FANCC: variants seen among roughly 807,000 people sequenced by gnomAD.
The protein encoded by FANCC is FA complementation group C.
FANCC carries 55 observed loss-of-function variants against 71.3 expected under a neutral mutation model. That is an observed-to-expected ratio of 0.77 (90% CI 0.62 to 0.97). The LOEUF is 0.97. Ranked by LOEUF, FANCC falls within the 50% of genes least tolerant of loss-of-function variation. The pLI, the probability that FANCC is intolerant of heterozygous loss-of-function variation, is 0.00. For synonymous variants in FANCC, 275 were observed against 244.9 expected, an observed-to-expected ratio of 1.12 and a Z score of -1.15; for missense variants, 678 against 670.9, an observed-to-expected ratio of 1.01 and a Z score of -0.12.
chr9:95,241,935 C>T (rs1830658162), intron 3 of FANCC, among the ~76,000 whole-genome samples: 1 of 152,210 alleles, frequency 6.6e-6, no homozygotes, highest in Non-Finnish European at 1.5e-5. Context: ...GCTGGGATCA[C>T]AGGCATGAGC....
At chr9:95,147,793 G>A (rs571179838) in intron 7 of FANCC, among the ~76,000 whole-genome samples, 2 of 152,292 alleles carry the variant, frequency 1.3e-5, no homozygotes, top group African/African-American at 4.8e-5. Context: ...AAATGCAGAT[G>A]TGATAAATTA....
rs1394344105 is a variant in FANCC at position 95,114,593 on chromosome 9, G to T, written c.1154+36C>A. On this transcript the variant is annotated intron_variant, in intron 12 of 14. Coordinates refer to ENST00000289081, the MANE Select transcript of FANCC (RefSeq NM_000136.3). ...AGATGAGGATCTAGGGAAACCATGT[G>T]TGAAGTAGATTTGGGAGTGGTCAGT... The T allele has an allele frequency of 3.8e-6, 6 of 1,566,690 alleles. No homozygotes were observed. In the East Asian group the frequency reaches 1.1e-4, roughly 29 times the overall value.
At chr9:95,207,864 G>C (rs1030682724) in intron 4 of FANCC, among the ~76,000 whole-genome samples, 65 of 152,118 alleles carry the variant, frequency 4.3e-4, no homozygotes, top group African/African-American at 1.5e-3. Flanking sequence ...TGAAGGGTGA[G>C]TGTGTGTGTA....
At chr9:95,292,569 A>G (rs1834106461) in intron 1 of FANCC, 1 of 1,478,322 alleles carries the variant, frequency 6.8e-7, no homozygotes, top group Non-Finnish European at 9.3e-7. Context: ...GCTGTCCCAG[A>G]CCACATGGCC....
intron 8 of FANCC, 135 bp from the exon 9 acceptor site, chr9:95,126,716 G>A (rs888918029): frequency 7.0e-6 from 6 of 853,472 alleles, no homozygotes; most frequent in African/African-American, 1.7e-5. Context: ...TTAGAAGAAC[G>A]AACCACTGCT....
Position 95,269,313 on chromosome 9 carries a change from G to A in FANCC, c.-78-19944C>T, listed in dbSNP as rs547699574. Among the ~76,000 whole-genome samples the A allele has an allele frequency of 1.3e-5, 2 of 152,266 alleles. 1 individual carries two copies. The highest frequency in any genetic ancestry group is 3.9e-4 in the East Asian group (2 of 5,182). On this transcript the variant is annotated intron_variant, in intron 1 of 14. Coordinates refer to ENST00000289081, the MANE Select transcript of FANCC (RefSeq NM_000136.3). ...AGGATGTATGTAAAGTCAGTCATTC[G>A]GTCAAATTTTAAACCCTATGAGGCA...
intron 8 of FANCC, among the ~76,000 whole-genome samples, chr9:95,135,032 C>T (rs1047410358): frequency 1.3e-5 from 2 of 152,138 alleles, no homozygotes; most frequent in Non-Finnish European, 2.9e-5. Flanking sequence ...ATGTTCATTT[C>T]CAAAAACTTA....
Position 95,207,591 on chromosome 9 carries a change from C to G in FANCC, c.345+33058G>C, listed in dbSNP as rs77605082. ...CCAGGAGATGCAACATTGCCCATCT[C>G]CCTCCTAGACTGATGCTCCCTAGAA... On this transcript the variant is annotated intron_variant, in intron 4 of 14. Coordinates refer to ENST00000289081, the MANE Select transcript of FANCC (RefSeq NM_000136.3). Among the ~76,000 whole-genome samples, 436 of 152,234 alleles carry G rather than the reference C, an allele frequency of 2.9e-3. 9 individuals are homozygous for G. The South Asian group carries it at 0.042, about 15-fold the overall frequency.
intron 8 of FANCC, among the ~76,000 whole-genome samples, chr9:95,130,183 C>T (rs1826671408): frequency 6.6e-6 from 1 of 152,098 alleles, no homozygotes; most frequent in South Asian, 2.1e-4. Flanking sequence ...TACCAACTCA[C>T]CAATGATTAT....
intron 10 of FANCC, among the ~76,000 whole-genome samples, chr9:95,119,518 A>G (rs1421338681): frequency 6.6e-6 from 1 of 152,020 alleles, no homozygotes; most frequent in Non-Finnish European, 1.5e-5. Context: ...GGCACATGCC[A>G]CTATGCCCAG....
intron 1 of FANCC, chr9:95,293,819 T>C (rs184431353): frequency 1.9e-6 from 3 of 1,613,450 alleles, no homozygotes; most frequent in East Asian, 2.2e-5. Flanking sequence ...CCTGAGAAAC[T>C]CAAACCAGTG....
chr9:95,268,236 G>A (rs1224773580), intron 1 of FANCC, among the ~76,000 whole-genome samples: 1 of 152,206 alleles, frequency 6.6e-6, no homozygotes, highest in Non-Finnish European at 1.5e-5. Context: ...ACTCACTCTG[G>A]ATTTAAATTT....
intron 4 of FANCC, among the ~76,000 whole-genome samples, chr9:95,226,342 CAG>C (rs771657477): frequency 1.6e-4 from 25 of 152,262 alleles, no homozygotes; most frequent in Non-Finnish European, 2.6e-4. Context: ...CAATAATAGA[CAG>C]GGGGTGAAAA....
chr9:95,189,318 T>C (rs765710344), intron 4 of FANCC, among the ~76,000 whole-genome samples: 1 of 152,148 alleles, frequency 6.6e-6, no homozygotes, highest in Non-Finnish European at 1.5e-5. Flanking sequence ...CTCAGAAACC[T>C]GGAGAATTGC....
At chr9:95,218,627 C>G (rs577089992) in intron 4 of FANCC, among the ~76,000 whole-genome samples, 1 of 152,196 alleles carries the variant, frequency 6.6e-6, no homozygotes, top group African/African-American at 2.4e-5. Flanking sequence ...AAATGGGGAC[C>G]ATCCCAGTAA....
Position 95,197,687 on chromosome 9 carries a change from TGTTA to T in FANCC, c.346-25544_346-25541del, listed in dbSNP as rs1363962391. Among the ~76,000 whole-genome samples the T allele has an allele frequency of 2.3e-4, 35 of 152,262 alleles. No homozygotes were observed. In the East Asian group the frequency reaches 6.2e-3, roughly 27 times the overall value. ...CTCACAGTCTGCAGGAATCGTGGCT[TGTTA>T]GTTAAATTGCAGAGCTGACTCCTGA... On this transcript the variant is annotated intron_variant, in intron 4 of 14. Coordinates refer to ENST00000289081, the MANE Select transcript of FANCC (RefSeq NM_000136.3).
intron 13 of FANCC, chr9:95,110,124 C>G (rs550981015): frequency 7.6e-5 from 33 of 434,116 alleles, no homozygotes; most frequent in Non-Finnish European, 1.0e-4. Context: ...ATCCAAAATC[C>G]TAGGCATCCC....
Position 95,237,574 on chromosome 9 carries a change from C to T in FANCC, c.345+3075G>A, listed in dbSNP as rs572976626. 1.2e-3 allele frequency among the ~76,000 whole-genome samples: 184 copies of T among 152,294 alleles called. 1 individual carries two copies. Among genetic ancestry groups the T allele is most frequent in the African/African-American group, 4.3e-3 (180 of 41,566 alleles). ...GCCACATGTGGCTGCAGAGCACTGC[C>T]GTGCAGTAAGCACCAGGGAATAACT... is the stretch of plus-strand genomic sequence containing the variant. On this transcript the variant is annotated intron_variant, in intron 4 of 14. Transcript: ENST00000289081.
rs889240606 is a variant in FANCC, at chr9:95,317,707, T to G, written c.-260A>C. The stretch of plus-strand genomic sequence containing the variant: ...GCGCGCACACGTGTCAGCAGTGCAT[T>G]CTGGGGCCTGGCTAGCGGCCCCGCG... On this transcript the variant is annotated 5_prime_UTR_variant, in exon 1 of 15. Transcript: ENST00000289081. 8 of 152,146 alleles carry G rather than the reference T, an allele frequency of 5.3e-5. No homozygotes were observed. Among genetic ancestry groups the G allele is most frequent in the African/African-American group, 1.9e-4 (8 of 41,430 alleles). 9.4% of individuals were successfully genotyped at this position (152,146 alleles called of 1,614,324 possible). A position where few individuals can be genotyped will look rare whatever the true frequency, so the allele number is the denominator to read the frequency against.
Sources: gnomAD v4.1 joint callset for allele counts (sites outside exome capture counted in the v4.1 genomes callset) on GRCh38, gnomAD v4.1.1 for gene constraint, MANE v1.5 for transcripts, NCBI Gene and HGNC (gene_info 2026-07-23, HGNC 2026-07-21) for gene names.